APEH: variants seen among roughly 807,000 people sequenced by gnomAD.
APEH encodes acylaminoacyl-peptide hydrolase.
APEH carries 75 observed loss-of-function variants against 102.7 expected under a neutral mutation model. That is an observed-to-expected ratio of 0.73 (90% CI 0.61 to 0.89). The LOEUF is 0.89. Among genes scored for constraint, APEH ranks in the 40% least tolerant of loss-of-function variants. The pLI is 0.00. For missense variants in APEH, 863 were observed against 941.2 expected, an observed-to-expected ratio of 0.92 and a Z score of 1.09; for synonymous variants, 344 against 362.7, an observed-to-expected ratio of 0.95 and a Z score of 0.59.
chr3:49,679,233 ACT>A lies in APEH; in HGVS notation c.1158+287_1158+288del, dbSNP rs1195315229. ...CTGCCACTCGGGTGGGTCCCTGAAC[ACT>A]CTGTAATGGCAGCTGATGGGGACAG... is the stretch of plus-strand genomic sequence containing the variant. On this transcript the variant is annotated intron_variant, in intron 12 of 21. Transcript: ENST00000296456. The surrounding 1 kb of genome is among the most constrained non-coding windows in gnomAD (Gnocchi z 4.3). 1.3e-5 allele frequency among the ~76,000 whole-genome samples: 2 copies of A among 152,030 alleles called. No individual in the cohort carries two copies. The highest frequency in any genetic ancestry group is 3.9e-4 in the East Asian group (2 of 5,170).
At chr3:49,673,795 C>T (rs1049800328), upstream of APEH, among the ~76,000 whole-genome samples, 1 of 136,980 alleles carries the variant, frequency 7.3e-6, no homozygotes, top group Admixed American at 7.1e-5. Flanking sequence ...CCCGCCCAAC[C>T]CTCACCCTCA....
upstream of APEH, chr3:49,674,217 G>C: frequency 1.4e-6 from 1 of 736,978 alleles, no homozygotes; most frequent in Non-Finnish European, 2.1e-6. Flanking sequence ...CCCAGGCCGG[G>C]TCCTCTCACC....
intron 11 of APEH, 63 bp from the exon 12 acceptor site, chr3:49,678,789 C>T: frequency 7.2e-7 from 1 of 1,391,358 alleles, no homozygotes; most frequent in Non-Finnish European, 1.0e-6. Flanking sequence ...CCCTAGCCTT[C>T]CTTGTAGACT....
At position 49,682,881 on chromosome 3, in the gene APEH, G is replaced by T. The variant is rs779122251; in HGVS notation, c.1922G>T (p.Cys641Phe). 2 of 1,614,074 alleles carry T rather than the reference G, an allele frequency of 1.2e-6. No homozygotes were observed. The highest frequency in any genetic ancestry group is 1.7e-6 in the Non-Finnish European group (2 of 1,180,032). ...GCTGGCTTTCCTTTCAGCAGTGACT[G>T]CCTGCCAGACCTCAGCGTGTGGGCT... ...VEAGFPFSSD[C>F]LPDLSVWAEM... The change falls in exon 20 of 22, where the codon TGC becomes TTC. Residue 641 changes from cysteine to phenylalanine, a missense_variant. Cys to Phe is a radical substitution (Grantham distance 205). Coordinates refer to ENST00000296456, the MANE Select transcript of APEH (RefSeq NM_001640.4).
intron 15 of APEH, 36 bp from the exon 16 acceptor site, chr3:49,681,686 A>G (rs2053325515): frequency 6.7e-7 from 1 of 1,502,776 alleles, no homozygotes; most frequent in South Asian, 1.3e-5. Flanking sequence ...GGAAGCCCCT[A>G]GGCTCACCCT....
upstream of APEH, among the ~76,000 whole-genome samples, chr3:49,673,724 C>T (rs2052876160): frequency 2.0e-5 from 3 of 152,272 alleles, no homozygotes; most frequent in South Asian, 6.2e-4. Flanking sequence ...CGTGGTGGAC[C>T]CGAAGGAACC....
rs750983200 is a variant in APEH at position 49,676,958 on chromosome 3, A to G, written c.933A>G (p.Gln311=). 1.4e-5 allele frequency: 22 copies of G among 1,614,100 alleles called. No homozygotes were observed. The highest frequency in any genetic ancestry group is 2.2e-5 in the East Asian group (1 of 44,868). The change falls in exon 10 of 22, where the codon CAA becomes CAG. Residue 311 remains glutamine, a synonymous_variant. Transcript: ENST00000296456. The part of the protein sequence containing the change: ...AVSSPRLSPD[Q]CRIVYLQYPS... ...CTTCTCCCCGGCTGAGCCCAGACCAATGTCGCATTGTCTACCTGCAGTACC... is the reference window on the plus strand; with the variant it reads ...CTTCTCCCCGGCTGAGCCCAGACCAGTGTCGCATTGTCTACCTGCAGTACC...
Position 49,683,242 on chromosome 3 carries a change from T to G in APEH, c.2099T>G (p.Leu700Arg). Residue 700 changes from leucine to arginine, a missense_variant, in exon 22 of 22, where the codon CTG (leucine) becomes CGG (arginine). Leu to Arg is a moderately radical substitution (Grantham distance 102, BLOSUM62 -2). Transcript: ENST00000296456. ...LKTRNVPVRL[L>R]LYPKSTHALS... is the part of the protein sequence containing the mutation. ...TTGCTGACTAATCCCTACAGGCTCC[T>G]GCTCTATCCCAAAAGCACCCACGCA... 6.2e-7 allele frequency: 1 copy of G among 1,613,730 alleles called. No individual in the cohort carries two copies. Among genetic ancestry groups the G allele is most frequent in the Non-Finnish European group, 8.5e-7 (1 of 1,179,664 alleles).
intron 14 of APEH, among the ~76,000 whole-genome samples, 161 bp downstream of exon 14, chr3:49,680,790 C>T (rs2053283156): frequency 1.3e-5 from 2 of 152,184 alleles, no homozygotes; most frequent in Admixed American, 6.5e-5. Context: ...TTGGCACTCA[C>T]AGGGACGAAC....
At chr3:49,677,214 G>A (rs577074261) in intron 10 of APEH, among the ~76,000 whole-genome samples, 190 bp downstream of exon 10, 103 of 152,352 alleles carry the variant, frequency 6.8e-4, no homozygotes, top group Admixed American at 1.5e-3. Context: ...GCCATGGAGA[G>A]CTTTGCACTG....
Position 49,675,900 on chromosome 3 carries a change from A to T in APEH, c.376A>T (p.Lys126Ter), listed in dbSNP as rs1360310485. ...EEKQFLEVWE[K>*]NRKLKSFNLS... Reference sequence around the variant, plus strand: ...GCCCAGATGTCCTCAGGTCTGGGAGAAGAACCGGAAGCTCAAGAGCTTCAA... The same window carrying T: ...GCCCAGATGTCCTCAGGTCTGGGAGTAGAACCGGAAGCTCAAGAGCTTCAA... The change falls in exon 5 of 22, where the codon AAG (lysine) becomes TAG (stop). Residue 126 changes from lysine to a stop codon, truncating the protein, a stop_gained. Coordinates refer to ENST00000296456, the MANE Select transcript of APEH (RefSeq NM_001640.4). LOFTEE classifies it high-confidence loss of function. 6 of 1,614,164 alleles carry T rather than the reference A, an allele frequency of 3.7e-6. No individual in the cohort carries two copies. Among genetic ancestry groups the T allele is most frequent in the Non-Finnish European group, 5.1e-6 (6 of 1,180,016 alleles).
intron 13 of APEH, 62 bp from the exon 14 acceptor site, chr3:49,680,479 G>T: frequency 6.9e-7 from 1 of 1,449,056 alleles, no homozygotes; most frequent in South Asian, 1.1e-5. Context: ...CTCTGTTACA[G>T]AGAAGCAGGT....
chr3:49,674,257 C>A, upstream of APEH: 1 of 1,084,594 alleles, frequency 9.2e-7, no homozygotes. Flanking sequence ...CAACGGTCCT[C>A]ACCCATTAGC....
At chr3:49,679,000 GA>G in intron 12 of APEH, 51 bp downstream of exon 12, 21 of 1,501,760 alleles carry the variant, frequency 1.4e-5, no homozygotes, top group Non-Finnish European at 1.8e-5. Flanking sequence ...CAACCCCCAG[GA>G]GCCCTGGGGG....
rs1348336870 is a variant in APEH, at chr3:49,682,955, C to T, written c.1986+10C>T. The T allele has an allele frequency of 6.2e-7, 1 of 1,612,762 alleles. No individual in the cohort carries two copies. The highest frequency in any genetic ancestry group is 8.5e-7 in the Non-Finnish European group (1 of 1,179,170). The stretch of plus-strand genomic sequence containing the variant: ...CAGATACATCCCTCAGGTATGCAGC[C>T]CCCTCCTTGCCCTGTGTGCTGCCCA... On this transcript the variant is annotated intron_variant, in intron 20 of 21. Coordinates refer to ENST00000296456, the MANE Select transcript of APEH (RefSeq NM_001640.4).
intron 17 of APEH, 111 bp from the exon 18 acceptor site, chr3:49,682,237 C>A: frequency 8.7e-7 from 1 of 1,153,148 alleles, no homozygotes; most frequent in Non-Finnish European, 1.3e-6. Context: ...GACCCCTTGA[C>A]AGTCTGTGGT....
chr3:49,682,313 C>A (rs371105185), intron 17 of APEH, 35 bp from the exon 18 acceptor site: 24 of 1,572,652 alleles, frequency 1.5e-5, no homozygotes, highest in Non-Finnish European at 2.0e-5. Flanking sequence ...GGGAATGTTG[C>A]CTGACTACAC....
At chr3:49,678,076 G>C (rs2053151260) in intron 11 of APEH, among the ~76,000 whole-genome samples, 1 of 152,168 alleles carries the variant, frequency 6.6e-6, no homozygotes, top group Non-Finnish European at 1.5e-5. Flanking sequence ...AGCAACCTTT[G>C]TCCAGTCTAA....
chr3:49,683,071 AGGAGGACC>A lies in APEH; in HGVS notation c.2021_2028del (p.Glu674AlafsTer64). On this transcript the variant is annotated frameshift_variant, in exon 21 of 22. Transcript: ENST00000296456. LOFTEE classifies it high-confidence loss of function. Reference sequence around the variant, plus strand: ...ACACCACTGTTACTGATGTTGGGCCAGGAGGACCGGCGTGTGCCCTTCAAGCAGGGCAT... The same window carrying A: ...ACACCACTGTTACTGATGTTGGGCCAGGCGTGTGCCCTTCAAGCAGGGCAT... The A allele has an allele frequency of 6.2e-7, 1 of 1,614,140 alleles. No homozygotes were observed. The highest frequency in any genetic ancestry group is 8.5e-7 in the Non-Finnish European group (1 of 1,180,036).
Sources: allele counts gnomAD v4.1 joint callset (sites outside exome capture counted in the v4.1 genomes callset), GRCh38; gene constraint gnomAD v4.1.1; non-coding constraint Gnocchi (gnomAD v3.1); transcripts MANE v1.5; gene names NCBI Gene and HGNC (gene_info 2026-07-23, HGNC 2026-07-21).